INPP4A: variants seen among roughly 807,000 people sequenced by gnomAD.
INPP4A encodes inositol polyphosphate-4-phosphatase, type I, 107kD.
INPP4A carries 33 observed loss-of-function variants against 119.8 expected under a neutral mutation model. The ratio of observed to expected loss-of-function variants is 0.28; its 90% CI spans 0.21 to 0.37. The LOEUF is 0.37. Among genes scored for constraint, INPP4A ranks in the 10% least tolerant of loss-of-function variants. INPP4A has a pLI of 1.00. For missense variants in INPP4A, 956 were observed against 1,289.9 expected (o/e 0.74, Z 3.97); for synonymous variants, 496 against 500.7 (o/e 0.99, Z 0.12).
At chr2:98,488,597 A>G (rs1680030278) in intron 1 of INPP4A, among the ~76,000 whole-genome samples, 1 of 152,230 alleles carries the variant, frequency 6.6e-6, no homozygotes, top group African/African-American at 2.4e-5. Context: ...TGCAGTAAAA[A>G]GATCTTGAAT....
At chr2:98,516,587 A>AG (rs1574864699) in intron 1 of INPP4A, among the ~76,000 whole-genome samples, 1 of 152,136 alleles carries the variant, frequency 6.6e-6, no homozygotes, top group East Asian at 1.9e-4. Context: ...TCATAAGTGA[A>AG]GGGGGTGACC....
intron 1 of INPP4A, among the ~76,000 whole-genome samples, chr2:98,517,128 C>G (rs1686291097): frequency 6.6e-6 from 1 of 152,294 alleles, no homozygotes; most frequent in African/African-American, 2.4e-5. Flanking sequence ...ATACCACTCT[C>G]CATACTCTGG....
chr2:98,464,903 G>A (rs2104715628), intron 1 of INPP4A, among the ~76,000 whole-genome samples: 1 of 152,352 alleles, frequency 6.6e-6, no homozygotes, highest in Middle Eastern at 3.4e-3. Context: ...ACACGAAGGA[G>A]CTTTTGTGAG....
chr2:98,456,029 G>GT (rs1013842324), intron 1 of INPP4A, among the ~76,000 whole-genome samples: 1 of 152,126 alleles, frequency 6.6e-6, no homozygotes, highest in African/African-American at 2.4e-5. Flanking sequence ...CAGCATTTTT[G>GT]TAAGTCCAGC....
chr2:98,582,911 C>G (rs1029347716), intron 24 of INPP4A, among the ~76,000 whole-genome samples: 1 of 151,976 alleles, frequency 6.6e-6, no homozygotes, highest in Non-Finnish European at 1.5e-5. Flanking sequence ...AGAAAGATCA[C>G]CTACTGCATA....
chr2:98,472,630 C>G (rs902252211), intron 1 of INPP4A, among the ~76,000 whole-genome samples: 2 of 152,220 alleles, frequency 1.3e-5, no homozygotes, highest in Non-Finnish European at 2.9e-5. Flanking sequence ...TGTCTGTGTC[C>G]CCTCCCCTAG....
At chr2:98,448,033 T>G (rs12992894) in intron 1 of INPP4A, among the ~76,000 whole-genome samples, 1 of 132,170 alleles carries the variant, frequency 7.6e-6, no homozygotes, top group Non-Finnish European at 1.6e-5. Flanking sequence ...GAGGACAGAG[T>G]GAGACTCTGT....
At chr2:98,545,853 C>T (rs774604081) in intron 11 of INPP4A, 116 bp from the exon 12 acceptor site, 5 of 703,422 alleles carry the variant, frequency 7.1e-6, no homozygotes, top group African/African-American at 1.8e-5. Context: ...TTCTAGGCCA[C>T]TGCCGACATA....
intron 1 of INPP4A, among the ~76,000 whole-genome samples, chr2:98,459,571 T>C (rs1315720571): frequency 1.1e-4 from 16 of 152,178 alleles, no homozygotes; most frequent in Admixed American, 9.8e-4. Context: ...TACAGGGGCA[T>C]TGTGTCCCAC....
At chr2:98,501,293 C>G (rs1574775930) in intron 1 of INPP4A, among the ~76,000 whole-genome samples, 1 of 152,040 alleles carries the variant, frequency 6.6e-6, no homozygotes, top group East Asian at 1.9e-4. Flanking sequence ...GGGATTGTGC[C>G]ACTGCACTCC....
At position 98,534,841 on chromosome 2, in the gene INPP4A, A is replaced by T. The variant is rs371807766; in HGVS notation, c.271-888A>T. Among the ~76,000 whole-genome samples the T allele has an allele frequency of 2.0e-4, 30 of 152,332 alleles. No individual in the cohort carries two copies. In the South Asian group the frequency reaches 5.8e-3, roughly 29 times the overall value. On this transcript the variant is annotated intron_variant, in intron 5 of 24. Coordinates refer to ENST00000409851, the MANE Select transcript of INPP4A (RefSeq NM_001134225.2). ...AAAGGAGCGTATGACAGAGACTTTG[A>T]AGGTGGACCTTGCAAGGGGAGTTCA...
intron 24 of INPP4A, among the ~76,000 whole-genome samples, chr2:98,585,421 T>C (rs1374678197): frequency 6.6e-6 from 1 of 152,260 alleles, no homozygotes; most frequent in East Asian, 1.9e-4. Context: ...ATCATGGAGC[T>C]TTGAAATAAT....
In INPP4A at chr2:98,554,967, C is replaced by G. The variant is rs1482069968; in HGVS notation, c.1566+478C>G. ...ATTATTGTTCCTCAGAGAATTGGCC[C>G]TGGGAGCAGGATCTGTGTTTCTTGA... On this transcript the variant is annotated intron_variant, in intron 15 of 24. Coordinates refer to ENST00000409851, the MANE Select transcript of INPP4A (RefSeq NM_001134225.2). This position sits in a 1 kb window ranked among gnomAD's most constrained non-coding sequence, Gnocchi z 4.7. Among the ~76,000 whole-genome samples, 2 of 152,204 alleles carry G rather than the reference C, an allele frequency of 1.3e-5. No individual in the cohort carries two copies. Among genetic ancestry groups the G allele is most frequent in the Non-Finnish European group, 2.9e-5 (2 of 68,036 alleles).
At chr2:98,524,563 C>CCAG (rs771745969) in intron 4 of INPP4A, among the ~76,000 whole-genome samples, 2 of 152,154 alleles carry the variant, frequency 1.3e-5, no homozygotes, top group Non-Finnish European at 2.9e-5. Flanking sequence ...CCTTTGGCCA[C>CCAG]CTGCTGTACC....
intron 1 of INPP4A, among the ~76,000 whole-genome samples, chr2:98,494,379 C>T (rs1274464228): frequency 6.6e-6 from 1 of 152,154 alleles, no homozygotes; most frequent in Non-Finnish European, 1.5e-5. Flanking sequence ...GCAGAGGTTC[C>T]ATCCTTGGAG....
chr2:98,511,782 A>G (rs1401411652), intron 1 of INPP4A, among the ~76,000 whole-genome samples: 1 of 152,208 alleles, frequency 6.6e-6, no homozygotes, highest in Non-Finnish European at 1.5e-5. Context: ...ACAGCGGTTC[A>G]CCAGGTCTGA....
intron 1 of INPP4A, among the ~76,000 whole-genome samples, chr2:98,453,114 T>G (rs934719169): frequency 1.3e-5 from 2 of 152,224 alleles, no homozygotes; most frequent in African/African-American, 2.4e-5. Flanking sequence ...GTGTAATTTG[T>G]GAGATCACAA....
intron 6 of INPP4A, 81 bp from the exon 7 acceptor site, chr2:98,536,048 C>G (rs1690210955): frequency 2.3e-6 from 2 of 884,136 alleles, no homozygotes; most frequent in African/African-American, 1.7e-5. Context: ...AAGCAGTCAG[C>G]TGGACTCTCT....
intron 1 of INPP4A, among the ~76,000 whole-genome samples, chr2:98,506,404 TA>T (rs1487019278): frequency 6.6e-6 from 1 of 152,216 alleles, no homozygotes; most frequent in African/African-American, 2.4e-5. Context: ...CAAACTAGAA[TA>T]GCTGTCTCTC....
Sources: allele counts gnomAD v4.1 joint callset (sites outside exome capture counted in the v4.1 genomes callset), GRCh38; gene constraint gnomAD v4.1.1; non-coding constraint Gnocchi (gnomAD v3.1); transcripts MANE v1.5; gene names NCBI Gene and HGNC (gene_info 2026-07-23, HGNC 2026-07-21).